The following N4BP1 variants were observed in gnomAD, a reference collection of about 807,000 sequenced individuals.
N4BP1 encodes NEDD4-binding protein 1.
A neutral mutation model predicts 70.9 loss-of-function variants in N4BP1; 21 were observed. The observed-to-expected ratio is 0.30, with a 90% CI of 0.21 to 0.43. N4BP1 has a LOEUF of 0.43. Ranked by LOEUF, N4BP1 falls within the 20% of genes least tolerant of loss-of-function variation. The pLI is 1.00. For missense variants in N4BP1, 936 were observed against 1,069.4 expected, an observed-to-expected ratio of 0.88 and a Z score of 1.74; for synonymous variants, 387 against 394.6, an observed-to-expected ratio of 0.98 and a Z score of 0.23.
chr16:48,560,058 T>C (rs1306568489), intron 2 of N4BP1, among the ~76,000 whole-genome samples: 1 of 152,088 alleles, frequency 6.6e-6, no homozygotes, highest in African/African-American at 2.4e-5. Flanking sequence ...AGGGAGGCTC[T>C]TGACCCTCAC....
Position 48,561,329 on chromosome 16 carries a change from C to G in N4BP1, c.1314G>C (p.Met438Ile), listed in dbSNP as rs1020163265. 1.9e-6 allele frequency: 3 copies of G among 1,613,582 alleles called. No individual in the cohort carries two copies. Among genetic ancestry groups the G allele is most frequent in the Non-Finnish European group, 2.5e-6 (3 of 1,179,788 alleles). The part of the protein sequence containing the change: ...KKTQAHTQQN[M>I]VEKFSQLPFK... ...ATGGTAACTGAGAAAATTTTTCTAC[C>G]ATATTTTGCTGTGTGTGAGCCTGTG... The change falls in exon 2 of 7, where the codon ATG (methionine) becomes ATC (isoleucine). Residue 438 changes from methionine (M) to isoleucine (I), a missense_variant. Met to Ile is a conservative substitution (Grantham distance 10). This residue lies in a region of N4BP1 where 515 missense variants were observed against 491.7 expected (regional missense o/e 1.05). Transcript: ENST00000262384.
rs188917525 is a variant in N4BP1 at position 48,561,923 on chromosome 16, A to T, written c.720T>A (p.Ala240=). ...TTGTAAGCTCAGAAACAGGAGTCCC[A>T]GCTTTATTTCTTGCCTCTTCCTGCA... The part of the protein sequence containing the change: ...TVLQEEARNK[A]GTPVSELTKQ... The change falls in exon 2 of 7, where the codon GCT becomes GCA. Residue 240 remains alanine (A), a synonymous_variant. Coordinates refer to ENST00000262384, the MANE Select transcript of N4BP1 (RefSeq NM_153029.4). 4.3e-6 allele frequency: 7 copies of T among 1,613,956 alleles called. No individual in the cohort carries two copies. In the Admixed American group the frequency reaches 6.7e-5, roughly 15 times the overall value.
chr16:48,602,060 C>CA (rs1197388298), intron 1 of N4BP1, among the ~76,000 whole-genome samples: 3 of 151,960 alleles, frequency 2.0e-5, no homozygotes, highest in Non-Finnish European at 4.4e-5. Flanking sequence ...CTGTCTCTAC[C>CA]AAAAAATACA....
At chr16:48,560,207 T>G (rs1963832889) in intron 2 of N4BP1, among the ~76,000 whole-genome samples, 1 of 152,216 alleles carries the variant, frequency 6.6e-6, no homozygotes, top group Admixed American at 6.5e-5. Context: ...TGATGTCTTT[T>G]ACTAAAAACA....
chr16:48,604,052 T>G (rs1964540896), intron 1 of N4BP1, among the ~76,000 whole-genome samples: 1 of 152,216 alleles, frequency 6.6e-6, no homozygotes, highest in African/African-American at 2.4e-5. Flanking sequence ...CTGGCTCAAG[T>G]GACACTGTAA....
At chr16:48,545,665 G>GAAA (rs1963579867) in intron 6 of N4BP1, among the ~76,000 whole-genome samples, 1 of 151,818 alleles carries the variant, frequency 6.6e-6, no homozygotes, top group Middle Eastern at 3.4e-3. Context: ...GACTATAGTT[G>GAAA]AAAATCCGGG....
At chr16:48,595,122 T>A (rs1466236059) in intron 1 of N4BP1, among the ~76,000 whole-genome samples, 1 of 152,128 alleles carries the variant, frequency 6.6e-6, no homozygotes, top group African/African-American at 2.4e-5. Context: ...AAAACTGAAG[T>A]AATCTTTTTC....
rs1057279728 is a variant in N4BP1 at position 48,542,754 on chromosome 16, G to C, written c.*150C>G. 9.0e-6 allele frequency: 6 copies of C among 666,832 alleles called. No individual in the cohort carries two copies. The highest frequency in any genetic ancestry group is 1.4e-5 in the Non-Finnish European group (6 of 431,928). The allele number at this position is 666,832 out of a possible 1,614,324, so 41.3% of individuals were successfully genotyped here. ...GAAAAAAGCTGGTTTTGAAAACCCA[G>C]ATTTATACCCAAAACATTTTTTTTC... On this transcript the variant is annotated 3_prime_UTR_variant, in exon 7 of 7. Coordinates refer to ENST00000262384, the MANE Select transcript of N4BP1 (RefSeq NM_153029.4).
chr16:48,539,066 G>A lies in N4BP1; in HGVS notation c.*3838C>T, dbSNP rs1207925144. On this transcript the variant is annotated 3_prime_UTR_variant, in exon 7 of 7. Transcript: ENST00000262384. ...TCCATCTGCAGAGCCCACAGGTCAT[G>A]GGAAACATGTGGCTGCAGGGAGAGT... 6.6e-6 allele frequency: 1 copy of A among 152,336 alleles called. No homozygotes were observed. The highest frequency in any genetic ancestry group is 1.5e-5 in the Non-Finnish European group (1 of 68,146). 9.4% of individuals were successfully genotyped at this position (152,336 alleles called of 1,614,324 possible). A position where few individuals can be genotyped will look rare whatever the true frequency, so the allele number is the denominator to read the frequency against.
At chr16:48,587,698 G>A (rs1409646633) in intron 1 of N4BP1, among the ~76,000 whole-genome samples, 1 of 152,132 alleles carries the variant, frequency 6.6e-6, no homozygotes, top group Non-Finnish European at 1.5e-5. Flanking sequence ...TGCAACCCAG[G>A]CCATATCTGG....
At chr16:48,582,520 A>G (rs1324755180) in intron 1 of N4BP1, among the ~76,000 whole-genome samples, 2 of 152,224 alleles carry the variant, frequency 1.3e-5, no homozygotes, top group Admixed American at 1.3e-4. Context: ...GGACACGCCA[A>G]AGAGAAGCAA....
At position 48,561,772 on chromosome 16, in the gene N4BP1, C is replaced by T; in HGVS notation, c.871G>A (p.Glu291Lys). ...ICQKRRFSDSEERHTKKQFSL... is the reference protein window; with the variant it reads ...ICQKRRFSDSKERHTKKQFSL... ...AACTGCTTCTTCGTATGCCTTTCTT[C>T]AGAATCAGAAAATCTCCTTTTCTGA... Residue 291 changes from glutamate to lysine, a missense_variant, in exon 2 of 7, where the codon GAA (glutamate) becomes AAA (lysine). Glu to Lys is a moderately conservative substitution (Grantham distance 56, BLOSUM62 1). Transcript: ENST00000262384. 2 of 1,612,932 alleles carry T rather than the reference C, an allele frequency of 1.2e-6. No individual in the cohort carries two copies. The highest frequency in any genetic ancestry group is 1.7e-6 in the Non-Finnish European group (2 of 1,179,870).
In N4BP1 at chr16:48,561,385, C is replaced by T; in HGVS notation, c.1258G>A (p.Glu420Lys). The T allele has an allele frequency of 1.2e-6, 2 of 1,613,902 alleles. No homozygotes were observed. Among genetic ancestry groups the T allele is most frequent in the Non-Finnish European group, 1.7e-6 (2 of 1,179,864 alleles). ...TTTGGAGTGGAATCAGTTGTAAGCT[C>T]ATTTGTGCTGCTATAAACACCTTTA... Reference protein sequence around the residue: ...KNKGVYSSTNELTTDSTPKKT... With the variant: ...KNKGVYSSTNKLTTDSTPKKT... Residue 420 changes from glutamate (E) to lysine (K), a missense_variant, in exon 2 of 7, where the codon GAG (glutamate) becomes AAG (lysine). Physicochemically the swap from Glu to Lys is moderately conservative, Grantham distance 56. Coordinates refer to ENST00000262384, the MANE Select transcript of N4BP1 (RefSeq NM_153029.4).
At chr16:48,582,522 G>A (rs1300648983) in intron 1 of N4BP1, among the ~76,000 whole-genome samples, 9 of 152,144 alleles carry the variant, frequency 5.9e-5, no homozygotes, top group Admixed American at 5.9e-4. Flanking sequence ...ACACGCCAAA[G>A]AGAAGCAATA....
At chr16:48,571,678 A>T (rs942596290) in intron 1 of N4BP1, among the ~76,000 whole-genome samples, 1 of 152,194 alleles carries the variant, frequency 6.6e-6, no homozygotes, top group Admixed American at 6.5e-5. Flanking sequence ...ATCAGAATAG[A>T]AATGTGGGCA....
rs1179698306 is a variant in N4BP1 at position 48,541,981 on chromosome 16, G to A, written c.*923C>T. ...CACATCAGGGCGTCTCCTGCAGTTG[G>A]GGACACAAGATGGCCACAGTGACCG... On this transcript the variant is annotated 3_prime_UTR_variant, in exon 7 of 7. Transcript: ENST00000262384. 2 of 152,666 alleles carry A rather than the reference G, an allele frequency of 1.3e-5. No homozygotes were observed. The highest frequency in any genetic ancestry group is 2.4e-5 in the African/African-American group (1 of 41,458). The allele number at this position is 152,666 out of a possible 1,614,324, so 9.5% of individuals were successfully genotyped here. A position where few individuals can be genotyped will look rare whatever the true frequency, so the allele number is the denominator to read the frequency against.
chr16:48,600,327 C>T lies in N4BP1; in HGVS notation c.198+9448G>A, dbSNP rs115310566. 6.8e-3 allele frequency: 7,013 copies of T among 1,034,860 alleles called. 280 individuals carry two copies. The African/African-American group carries it at 0.091, about 13-fold the overall frequency. 64.1% of individuals were successfully genotyped at this position (1,034,860 alleles called of 1,614,324 possible). On this transcript the variant is annotated intron_variant, in intron 1 of 6. Coordinates refer to ENST00000262384, the MANE Select transcript of N4BP1 (RefSeq NM_153029.4). Reference sequence around the variant, plus strand: ...CAAAGTTAGGTGGACCAAAGCATTCCGGAAAGCAGGTGGCAAAGAGCTTAC... The same window carrying T: ...CAAAGTTAGGTGGACCAAAGCATTCTGGAAAGCAGGTGGCAAAGAGCTTAC...
At chr16:48,569,435 T>C (rs1364113172) in intron 1 of N4BP1, among the ~76,000 whole-genome samples, 1 of 152,198 alleles carries the variant, frequency 6.6e-6, no homozygotes, top group African/African-American at 2.4e-5. Flanking sequence ...TCTTGTCACC[T>C]AGGCTGGAGT....
chr16:48,560,402 T>G (rs935530615), intron 2 of N4BP1: 3 of 175,692 alleles, frequency 1.7e-5, no homozygotes, highest in African/African-American at 7.1e-5. Flanking sequence ...TGCTTTAAGC[T>G]GTGTTCTCTT....
Sources: gnomAD v4.1 joint callset for allele counts (sites outside exome capture counted in the v4.1 genomes callset) on GRCh38, gnomAD v4.1.1 for gene constraint, gnomAD v4.1.1 regional missense constraint, MANE v1.5 for transcripts, NCBI Gene and HGNC (gene_info 2026-07-23, HGNC 2026-07-21) for gene names.